Variants in ELP4 observed in about 807,000 individuals in gnomAD.
The protein encoded by ELP4 is elongator complex protein 4.
In ELP4, 51 loss-of-function variants were observed where a neutral mutation model predicts 48.9. The ratio of observed to expected loss-of-function variants is 1.04; its 90% CI spans 0.83 to 1.32. The LOEUF is 1.32. Among genes scored for constraint, ELP4 ranks in the 40% most tolerant of loss-of-function variants. The probability of loss-of-function intolerance (pLI) is 0.00; values close to 1 mark genes in which losing one functional copy is unlikely to be tolerated. For synonymous variants in ELP4, 210 were observed against 189.2 expected, an observed-to-expected ratio of 1.11 and a Z score of -0.90; for missense variants, 519 against 514.6, an observed-to-expected ratio of 1.01 and a Z score of -0.08.
chr11:31,558,697 C>A (rs1419568090), intron 3 of ELP4, among the ~76,000 whole-genome samples: 1 of 151,972 alleles, frequency 6.6e-6, no homozygotes, highest in African/African-American at 2.4e-5. Flanking sequence ...TCCGGAGTTC[C>A]AAATTAAAAA....
At chr11:31,662,023 A>G (rs1227396732) in intron 9 of ELP4, among the ~76,000 whole-genome samples, 1 of 152,012 alleles carries the variant, frequency 6.6e-6, no homozygotes, top group Non-Finnish European at 1.5e-5. Context: ...AAGCTGACAA[A>G]TTCCAATCTG....
At chr11:31,519,650 C>A (rs1956179398) in intron 1 of ELP4, among the ~76,000 whole-genome samples, 2 of 152,100 alleles carry the variant, frequency 1.3e-5, no homozygotes, top group South Asian at 4.1e-4. Context: ...CATGGTAAAA[C>A]TCCATCTCTG....
intron 3 of ELP4, among the ~76,000 whole-genome samples, chr11:31,543,075 C>T (rs1027367954): frequency 6.6e-6 from 1 of 151,826 alleles, no homozygotes; most frequent in Non-Finnish European, 1.5e-5. Context: ...GAAGACATGG[C>T]ATTTAAAATT....
At chr11:31,593,740 G>A (rs1957627998) in intron 3 of ELP4, among the ~76,000 whole-genome samples, 3 of 152,214 alleles carry the variant, frequency 2.0e-5, no homozygotes, top group Middle Eastern at 6.8e-3. Context: ...GGAAAATGAA[G>A]TTACTTTATA....
intron 1 of ELP4, among the ~76,000 whole-genome samples, chr11:31,514,079 T>A (rs530275622): frequency 1.3e-5 from 2 of 152,356 alleles, no homozygotes; most frequent in East Asian, 3.9e-4. Context: ...TCTTGTATTC[T>A]TTTGTGTACA....
chr11:31,678,497 G>A (rs7951521), intron 9 of ELP4, among the ~76,000 whole-genome samples: 2,664 of 12,626 alleles, frequency 0.21, 58 homozygotes, highest in South Asian at 0.51. Context: ...ATATATGTAT[G>A]TGTGTGTGTG....
chr11:31,593,953 A>G (rs965339736), intron 3 of ELP4, among the ~76,000 whole-genome samples: 3 of 152,196 alleles, frequency 2.0e-5, no homozygotes, highest in Admixed American at 6.5e-5. Flanking sequence ...GATCTTGAAA[A>G]GTAGAAGTTG....
intron 3 of ELP4, among the ~76,000 whole-genome samples, chr11:31,583,130 G>T (rs991384431): frequency 6.6e-6 from 1 of 152,048 alleles, no homozygotes; most frequent in Non-Finnish European, 1.5e-5. Flanking sequence ...GGTCTTTATG[G>T]TTCCTTTAAA....
intron 9 of ELP4, among the ~76,000 whole-genome samples, chr11:31,776,995 T>C (rs934186995): frequency 4.2e-4 from 64 of 152,290 alleles, no homozygotes; most frequent in African/African-American, 1.4e-3. Flanking sequence ...TTGTTTCCAC[T>C]GGCCTATTCA....
chr11:31,741,498 G>C (rs1300117954), intron 9 of ELP4, among the ~76,000 whole-genome samples: 1 of 152,176 alleles, frequency 6.6e-6, no homozygotes, highest in East Asian at 1.9e-4. Flanking sequence ...ACACCCCCCA[G>C]TAGGGGCGGA....
intron 9 of ELP4, among the ~76,000 whole-genome samples, chr11:31,733,427 A>C (rs1223408524): frequency 6.7e-6 from 1 of 149,410 alleles, no homozygotes; most frequent in Non-Finnish European, 1.5e-5. Flanking sequence ...CAGTGAGCCA[A>C]GATCACGCCA....
intron 9 of ELP4, among the ~76,000 whole-genome samples, chr11:31,703,057 G>A (rs192974821): frequency 6.6e-6 from 1 of 152,102 alleles, no homozygotes; most frequent in Non-Finnish European, 1.5e-5. Flanking sequence ...TTGTCCTTTG[G>A]GGGCTGCATG....
chr11:31,575,830 A>G (rs1381689853), intron 3 of ELP4, among the ~76,000 whole-genome samples: 1 of 152,218 alleles, frequency 6.6e-6, no homozygotes, highest in African/African-American at 2.4e-5. Flanking sequence ...TAGCCACTGC[A>G]AAAACATGCC....
At chr11:31,688,819 A>T (rs1219066294) in intron 9 of ELP4, among the ~76,000 whole-genome samples, 1 of 152,206 alleles carries the variant, frequency 6.6e-6, no homozygotes, top group African/African-American at 2.4e-5. Context: ...CATACATATT[A>T]GATTAATTTG....
intron 3 of ELP4, among the ~76,000 whole-genome samples, chr11:31,588,466 A>C (rs1274229673): frequency 6.6e-6 from 1 of 152,132 alleles, no homozygotes; most frequent in East Asian, 1.9e-4. Context: ...TGGTATTTTT[A>C]GATGTTTCAT....
intron 9 of ELP4, among the ~76,000 whole-genome samples, chr11:31,741,193 G>A (rs1022163943): frequency 4.6e-5 from 7 of 152,328 alleles, no homozygotes; most frequent in African/African-American, 1.7e-4. Context: ...GGCTAGGGGA[G>A]GGGCGCCCGC....
Position 31,787,774 on chromosome 11 carries a change from C to T in ELP4, c.*4250C>T, listed in dbSNP as rs12421026. The T allele has an allele frequency of 0.45, 101,878 of 227,130 alleles. 23,511 individuals carry two copies. Among genetic ancestry groups the T allele is most frequent in the South Asian group, 0.58 (3,160 of 5,466 alleles). The allele number at this position is 227,130 out of a possible 1,614,324, so 14.1% of individuals were successfully genotyped here. ...ATAAAATTATTAGTATATTTCATGC[C>T]GGAGCAATGAATCTCAATTATCTGT... is the stretch of plus-strand genomic sequence containing the variant. On this transcript the variant is annotated 3_prime_UTR_variant, in exon 10 of 10. Coordinates refer to ENST00000640961, the MANE Select transcript of ELP4 (RefSeq NM_019040.5).
intron 9 of ELP4, among the ~76,000 whole-genome samples, chr11:31,712,360 T>C (rs943257695): frequency 2.6e-5 from 4 of 152,126 alleles, no homozygotes; most frequent in African/African-American, 7.2e-5. Context: ...TAAATATTCT[T>C]AATAAGGCAA....
At chr11:31,555,228 G>A (rs1297811343) in intron 3 of ELP4, among the ~76,000 whole-genome samples, 1 of 152,016 alleles carries the variant, frequency 6.6e-6, no homozygotes, top group African/African-American at 2.4e-5. Context: ...ATATGCAAGG[G>A]GTATAGGATT....
Sources: gnomAD v4.1 joint callset for allele counts (sites outside exome capture counted in the v4.1 genomes callset) on GRCh38, gnomAD v4.1.1 for gene constraint, MANE v1.5 for transcripts, NCBI Gene and HGNC (gene_info 2026-07-23, HGNC 2026-07-21) for gene names.